Variants in NAV3 observed in about 807,000 individuals in gnomAD.
NAV3 encodes neuron navigator 3, also known as pore membrane and/or filament interacting like protein 1.
In NAV3, 87 loss-of-function variants were observed where a neutral mutation model predicts 244.7. The ratio of observed to expected loss-of-function variants is 0.36; its 90% confidence interval spans 0.30 to 0.42. NAV3 has a LOEUF of 0.42. Among genes scored for constraint, NAV3 ranks in the 20% least tolerant of loss-of-function variants. NAV3 has a pLI of 1.00. For synonymous variants in NAV3, 1,126 were observed against 1,042.2 expected, an observed-to-expected ratio of 1.08 and a Z score of -1.55; for missense variants, 2,663 against 2,893.3, an observed-to-expected ratio of 0.92 and a Z score of 1.83.
intron 2 of NAV3, among the ~76,000 whole-genome samples, chr12:77,659,685 C>A (rs1873333648): frequency 6.6e-6 from 1 of 152,090 alleles, no homozygotes; most frequent in Admixed American, 6.5e-5. Context: ...GCACTATTCA[C>A]AATAGCAAAG....
At chr12:77,691,360 T>TATATATATATATATAC (rs60932712) in intron 2 of NAV3, among the ~76,000 whole-genome samples, 32 of 134,832 alleles carry the variant, frequency 2.4e-4, no homozygotes, top group African/African-American at 8.7e-4. Context: ...TATATACATA[T>TATATATATATATATAC]CCATTCTTGT....
rs187132601 is a variant in NAV3 at position 78,203,451 on chromosome 12, A to T, written c.6835-1484A>T. On this transcript the variant is annotated intron_variant, in intron 38 of 39. Transcript: ENST00000397909. Reference sequence around the variant, plus strand: ...GCTCTAAAACAAGATAACTATTTTTAAAAAAAGTATAATGATTGTACCTCT... The same window carrying T: ...GCTCTAAAACAAGATAACTATTTTTTAAAAAAGTATAATGATTGTACCTCT... Among the ~76,000 whole-genome samples, 816 of 152,162 alleles carry T rather than the reference A, an allele frequency of 5.4e-3. 3 individuals carry two copies. The highest frequency in any genetic ancestry group is 4.9e-3 in the Non-Finnish European group (336 of 67,968).
chr12:77,683,233 G>A (rs1874552655), intron 2 of NAV3, among the ~76,000 whole-genome samples: 1 of 152,010 alleles, frequency 6.6e-6, no homozygotes, highest in South Asian at 2.1e-4. Flanking sequence ...TTTGCATGTG[G>A]TTTTCTAGTT....
chr12:78,173,478 C>CT (rs1375834510), intron 24 of NAV3, among the ~76,000 whole-genome samples: 5 of 151,614 alleles, frequency 3.3e-5, no homozygotes, highest in Admixed American at 2.6e-4. Context: ...GCAAATGCTA[C>CT]TTCTTTTTCA....
At chr12:78,139,096 A>AT (rs34120234) in intron 19 of NAV3, among the ~76,000 whole-genome samples, 50,840 of 151,708 alleles carry the variant, frequency 0.34, 8,786 homozygotes, top group East Asian at 0.48. Flanking sequence ...GATAGAAAGA[A>AT]TTTTTTTTTA....
At position 78,027,288 on chromosome 12, in the gene NAV3, A is replaced by G. The variant is rs148076409; in HGVS notation, c.2023+5426A>G. On this transcript the variant is annotated intron_variant, in intron 9 of 39. Coordinates refer to ENST00000397909, the MANE Select transcript of NAV3 (RefSeq NM_001024383.2). ...CTGTCTCTAAAAAAAAAAAAAATTC[A>G]AATTGTTCAGGCATGGTGCTGTGTA... Among the ~76,000 whole-genome samples, 694 of 152,090 alleles carry G rather than the reference A, an allele frequency of 4.6e-3. 3 individuals are homozygous for G. Among genetic ancestry groups the G allele is most frequent in the African/African-American group, 0.016 (644 of 41,480 alleles).
chr12:77,572,062 T>C (rs900631347), exon 2 of NAV3: 1 of 154,384 alleles, frequency 6.5e-6, no homozygotes, highest in Non-Finnish European at 1.5e-5. Flanking sequence ...AATCATTCCT[T>C]GGAGTCGATG....
intron 2 of NAV3, among the ~76,000 whole-genome samples, chr12:77,788,082 A>G (rs1870989981): frequency 6.6e-6 from 1 of 152,238 alleles, no homozygotes; most frequent in Admixed American, 6.5e-5. Flanking sequence ...TTCTGTCACC[A>G]TGAGTAAGAC....
intron 2 of NAV3, among the ~76,000 whole-genome samples, chr12:77,780,108 T>G (rs949273510): frequency 6.6e-6 from 1 of 152,130 alleles, no homozygotes. Flanking sequence ...CCATATAGGG[T>G]TTGTCAGACA....
At chr12:77,932,374 T>C (rs1229872838) in intron 1 of NAV3, among the ~76,000 whole-genome samples, 1 of 152,144 alleles carries the variant, frequency 6.6e-6, no homozygotes, top group African/African-American at 2.4e-5. Context: ...TGAGCCATTC[T>C]GGGGGTCTGT....
intron 1 of NAV3, among the ~76,000 whole-genome samples, chr12:77,855,699 A>G (rs1053400471): frequency 7.9e-5 from 12 of 152,208 alleles, no homozygotes. Flanking sequence ...TGGGCACTCT[A>G]TATAAATAAG....
intron 5 of NAV3, among the ~76,000 whole-genome samples, chr12:77,969,337 G>A (rs911172409): frequency 6.6e-6 from 1 of 151,938 alleles, no homozygotes; most frequent in Non-Finnish European, 1.5e-5. Context: ...ATATCAATCA[G>A]TGTTCAACTA....
intron 35 of NAV3, among the ~76,000 whole-genome samples, chr12:78,197,836 G>A (rs1001343391): frequency 4.0e-5 from 6 of 151,842 alleles, no homozygotes; most frequent in African/African-American, 1.4e-4. Context: ...CAACAACAAC[G>A]TTGGAATAGT....
intron 2 of NAV3, among the ~76,000 whole-genome samples, chr12:77,773,705 T>A (rs1173055069): frequency 6.6e-6 from 1 of 152,152 alleles, no homozygotes; most frequent in Non-Finnish European, 1.5e-5. Context: ...ATAATGTACA[T>A]CTCATTGAGT....
intron 2 of NAV3, among the ~76,000 whole-genome samples, chr12:77,656,015 A>G (rs1248276312): frequency 1.3e-5 from 2 of 149,716 alleles, no homozygotes; most frequent in East Asian, 3.9e-4. Flanking sequence ...GCCAAAATGT[A>G]AAGACCATCG....
intron 23 of NAV3, among the ~76,000 whole-genome samples, chr12:78,160,980 T>C (rs1957520560): frequency 6.6e-6 from 1 of 151,896 alleles, no homozygotes. Context: ...TCCCTCTCTT[T>C]CTTTTTTGCT....
rs571549837 is a variant in NAV3, at chr12:77,953,371, C to A, written c.414+12238C>A. On this transcript the variant is annotated intron_variant, in intron 3 of 39. Coordinates refer to ENST00000397909, the MANE Select transcript of NAV3 (RefSeq NM_001024383.2). ...TTACATATAAATAATTGAATATACC[C>A]TTCTCCATTTCTAGTGTGGATATAT... Among the ~76,000 whole-genome samples, 34 of 152,166 alleles carry A rather than the reference C, an allele frequency of 2.2e-4. No individual in the cohort carries two copies. In the South Asian group the frequency reaches 3.7e-3, roughly 17 times the overall value.
intron 1 of NAV3, among the ~76,000 whole-genome samples, chr12:77,903,317 C>A (rs1885542132): frequency 6.6e-6 from 1 of 152,136 alleles, no homozygotes; most frequent in Non-Finnish European, 1.5e-5. Context: ...TGGAACAGAA[C>A]AGAGCCCTCA....
At chr12:78,178,037 A>T (rs556912165) in intron 28 of NAV3, among the ~76,000 whole-genome samples, 14 of 152,012 alleles carry the variant, frequency 9.2e-5, no homozygotes, top group African/African-American at 2.9e-4. Flanking sequence ...GCATACCTAC[A>T]TATGATAAAA....
Sources: gnomAD v4.1 joint callset for allele counts (sites outside exome capture counted in the v4.1 genomes callset) on GRCh38, gnomAD v4.1.1 for gene constraint, MANE v1.5 for transcripts, NCBI Gene and HGNC (gene_info 2026-07-23, HGNC 2026-07-21) for gene names.